The following GALNS variants were observed in gnomAD, a reference collection of about 807,000 sequenced individuals.
GALNS encodes galactosamine (N-acetyl)-6-sulfatase.
In GALNS, 65 loss-of-function variants were observed where a neutral mutation model predicts 65.9. That is an observed-to-expected ratio of 0.99 (90% CI 0.81 to 1.21). The LOEUF (loss-of-function observed/expected upper bound fraction) is 1.21, where lower values mean the gene tolerates loss of function less well. Among genes scored for constraint, GALNS ranks in the 50% most tolerant of loss-of-function variants. The pLI is 0.00. For missense variants in GALNS, 776 were observed against 700.7 expected (o/e 1.11, Z -1.21); for synonymous variants, 346 against 288.9 (o/e 1.20, Z -2.00).
At chr16:88,827,849 G>A (rs1176251869) in intron 9 of GALNS, among the ~76,000 whole-genome samples, 1 of 152,218 alleles carries the variant, frequency 6.6e-6, no homozygotes, top group Non-Finnish European at 1.5e-5. Context: ...TGGGGCAGCT[G>A]GGCAGGGACC....
chr16:88,822,485 G>A, intron 12 of GALNS, 104 bp downstream of exon 12: 1 of 1,468,936 alleles, frequency 6.8e-7, no homozygotes, highest in East Asian at 2.3e-5. Context: ...CAGGCAAGGG[G>A]AGGCGGCGGG....
At chr16:88,830,257 C>T (rs12325575) in intron 9 of GALNS, among the ~76,000 whole-genome samples, 5 of 111,388 alleles carry the variant, frequency 4.5e-5, no homozygotes, top group East Asian at 2.3e-4. Flanking sequence ...AAAAAAAAAA[C>T]GTGGAACAGG....
intron 8 of GALNS, among the ~76,000 whole-genome samples, chr16:88,833,162 C>T (rs979341176): frequency 1.3e-5 from 2 of 152,044 alleles, no homozygotes; most frequent in African/African-American, 4.8e-5. Flanking sequence ...CACCGCAGCT[C>T]CTTCCTGCGC....
chr16:88,849,463 T>G (rs1191847106), intron 1 of GALNS, among the ~76,000 whole-genome samples: 1 of 152,100 alleles, frequency 6.6e-6, no homozygotes, highest in African/African-American at 2.4e-5. Context: ...TTTTGTATTT[T>G]TTTTATAGAG....
chr16:88,817,691 C>T (rs1021620579), intron 13 of GALNS, among the ~76,000 whole-genome samples: 3 of 152,220 alleles, frequency 2.0e-5, no homozygotes, highest in Non-Finnish European at 4.4e-5. Flanking sequence ...CCTGCTGTCC[C>T]TCAGTGACTT....
At position 88,837,622 on chromosome 16, in the gene GALNS, C is replaced by G. The variant is rs1025972189; in HGVS notation, c.566G>C (p.Arg189Thr). 6.2e-7 allele frequency: 1 copy of G among 1,612,884 alleles called. No individual in the cohort carries two copies. Among genetic ancestry groups the G allele is most frequent in the East Asian group, 2.2e-5 (1 of 44,870 alleles). Residue 189 changes from arginine (R) to threonine (T), a missense_variant and splice_region_variant, in exon 5 of 14, where the codon AGA becomes ACA. Physicochemically the swap from Arg to Thr is moderately conservative, Grantham distance 71. Transcript: ENST00000268695. ...AGGGGAAGGGGTGGGGCTCCATTAC[C>G]TGCCAACCATCTCCCAGTCCCTGTA... is the stretch of plus-strand genomic sequence containing the variant. ...PVYRDWEMVG[R>T]YYEEFPINLK...
chr16:88,828,503 G>A (rs1366338279), intron 9 of GALNS, among the ~76,000 whole-genome samples: 1 of 152,226 alleles, frequency 6.6e-6, no homozygotes, highest in Non-Finnish European at 1.5e-5. Flanking sequence ...CGGGACAGAC[G>A]TCAGGCGCTT....
chr16:88,832,221 G>A, intron 8 of GALNS, 120 bp from the exon 9 acceptor site: 1 of 895,240 alleles, frequency 1.1e-6, no homozygotes, highest in Non-Finnish European at 1.8e-6. Context: ...AAGGCACTCT[G>A]GCTGGAGTGC....
At chr16:88,856,645 C>T in intron 1 of GALNS, 113 bp downstream of exon 1, 1 of 372,768 alleles carries the variant, frequency 2.7e-6, no homozygotes, top group South Asian at 1.9e-5. Flanking sequence ...AGGGGCCTCC[C>T]CTCACCTCTC....
In GALNS at chr16:88,814,604, T is replaced by C. The variant is rs1909439557; in HGVS notation, c.1483-79A>G. Reference sequence around the variant, plus strand: ...CCCAGCAGCAGCGGGCATTTTGTTGTTGCTGTTCTGAGACAGTCTCACTCT... The same window carrying C: ...CCCAGCAGCAGCGGGCATTTTGTTGCTGCTGTTCTGAGACAGTCTCACTCT... On this transcript the variant is annotated intron_variant, in intron 13 of 13. Coordinates refer to ENST00000268695, the MANE Select transcript of GALNS (RefSeq NM_000512.5). The C allele has an allele frequency of 1.9e-6, 3 of 1,545,220 alleles. 1 individual carries two copies. Among genetic ancestry groups the C allele is most frequent in the Non-Finnish European group, 2.6e-6 (3 of 1,145,282 alleles).
chr16:88,822,838 C>T, intron 11 of GALNS, 128 bp from the exon 12 acceptor site: 1 of 1,428,430 alleles, frequency 7.0e-7, no homozygotes, highest in South Asian at 1.2e-5. Flanking sequence ...GTCCTGGAGC[C>T]CCTAACTGGG....
chr16:88,819,719 A>T (rs570341643), intron 12 of GALNS, among the ~76,000 whole-genome samples: 1 of 150,124 alleles, frequency 6.7e-6, no homozygotes, highest in Non-Finnish European at 1.5e-5. Flanking sequence ...TTTGAGAGAG[A>T]GTCTCGCGCT....
intron 9 of GALNS, 179 bp from the exon 10 acceptor site, chr16:88,827,017 C>A: frequency 1.4e-6 from 1 of 725,878 alleles, no homozygotes; most frequent in Non-Finnish European, 2.3e-6. Context: ...GACAGAGGAG[C>A]CTCAAACCAG....
chr16:88,830,578 G>A (rs950468354), intron 9 of GALNS, among the ~76,000 whole-genome samples: 10 of 152,200 alleles, frequency 6.6e-5, no homozygotes, highest in Non-Finnish European at 5.9e-5. Flanking sequence ...AAGAAACAGC[G>A]GTCGTTTACA....
intron 2 of GALNS, 26 bp downstream of exon 2, chr16:88,842,680 T>C (rs1301739300): frequency 6.2e-7 from 1 of 1,610,808 alleles, no homozygotes; most frequent in East Asian, 2.2e-5. Flanking sequence ...CACCCCTTCC[T>C]GGGGGCGAGG....
chr16:88,836,007 G>A (rs551405650), intron 6 of GALNS, among the ~76,000 whole-genome samples, 158 bp from the exon 7 acceptor site: 8 of 150,448 alleles, frequency 5.3e-5, no homozygotes, highest in African/African-American at 1.5e-4. Flanking sequence ...GTCCCCACGC[G>A]TCCCACGGGG....
At chr16:88,835,678 A>G (rs755365838) in intron 7 of GALNS, 47 bp downstream of exon 7, 2 of 1,612,382 alleles carry the variant, frequency 1.2e-6, no homozygotes, top group African/African-American at 2.7e-5. Context: ...AGTCAAGCAC[A>G]GCTGGGGCCT....
intron 4 of GALNS, 57 bp downstream of exon 4, chr16:88,840,935 C>T (rs1323284520): frequency 7.2e-7 from 1 of 1,394,946 alleles, no homozygotes; most frequent in Admixed American, 1.7e-5. Context: ...CCCTTGGAAC[C>T]AAGGCCAGGA....
At chr16:88,815,947 C>T (rs1480743702) in intron 13 of GALNS, 16 of 985,322 alleles carry the variant, frequency 1.6e-5, no homozygotes, top group Non-Finnish European at 1.8e-5. Context: ...GTGCCAGAGA[C>T]GCCACTGAGC....
Sources: allele counts gnomAD v4.1 joint callset (sites outside exome capture counted in the v4.1 genomes callset), GRCh38; gene constraint gnomAD v4.1.1; transcripts MANE v1.5; gene names NCBI Gene and HGNC (gene_info 2026-07-23, HGNC 2026-07-21).